ULK4: variants seen among roughly 807,000 people sequenced by gnomAD.
The protein encoded by ULK4 is inactive serine/threonine-protein kinase ULK4.
ULK4 carries 133 observed loss-of-function variants against 160.6 expected under a neutral mutation model. The ratio of observed to expected loss-of-function variants is 0.83; its 90% CI spans 0.72 to 0.96. The LOEUF is 0.96. ULK4 is among the 40% of genes least tolerant of loss of function. ULK4 has a pLI of 0.00. For synonymous variants in ULK4, 534 were observed against 539.8 expected (o/e 0.99, Z 0.15); for missense variants, 1,580 against 1,499.5 (o/e 1.05, Z -0.89).
chr3:41,345,898 T>C, intron 35 of ULK4, among the ~76,000 whole-genome samples: 1 of 152,046 alleles, frequency 6.6e-6, no homozygotes, highest in Non-Finnish European at 1.5e-5. Context: ...AAACCAAGAC[T>C]TGCATACAGA....
At chr3:41,764,491 T>A (rs1299863988) in intron 21 of ULK4, among the ~76,000 whole-genome samples, 1 of 152,170 alleles carries the variant, frequency 6.6e-6, no homozygotes, top group Non-Finnish European at 1.5e-5. Flanking sequence ...ACACCTGTAA[T>A]CCAAGCACTT....
chr3:41,852,745 A>C (rs558956915), intron 17 of ULK4, among the ~76,000 whole-genome samples: 139 of 152,250 alleles, frequency 9.1e-4, no homozygotes, highest in African/African-American at 3.1e-3. Flanking sequence ...TGACCTCGAA[A>C]TGACCTTTTG....
chr3:41,404,818 G>A (rs2082260946), intron 34 of ULK4, among the ~76,000 whole-genome samples: 3 of 152,170 alleles, frequency 2.0e-5, no homozygotes, highest in African/African-American at 7.2e-5. Context: ...CAGCAAGAAG[G>A]CCCTTGACAG....
chr3:41,643,216 T>C (rs982790721), intron 30 of ULK4, among the ~76,000 whole-genome samples: 5 of 152,166 alleles, frequency 3.3e-5, no homozygotes, highest in Non-Finnish European at 5.9e-5. Flanking sequence ...TTTGTCAATT[T>C]TGGCTTTTGT....
chr3:41,645,768 ATCTG>A (rs2034459997), intron 30 of ULK4, among the ~76,000 whole-genome samples: 1 of 152,086 alleles, frequency 6.6e-6, no homozygotes, highest in African/African-American at 2.4e-5. Flanking sequence ...TGTCTTGTTG[ATCTG>A]TCTAATGTTG....
intron 35 of ULK4, among the ~76,000 whole-genome samples, chr3:41,353,165 C>T (rs1348543107): frequency 6.6e-6 from 1 of 152,202 alleles, no homozygotes; most frequent in Non-Finnish European, 1.5e-5. Context: ...GTACCCGTTG[C>T]TCCTGGGTCT....
At chr3:41,808,010 G>A (rs369733448) in intron 19 of ULK4, among the ~76,000 whole-genome samples, 15 of 152,126 alleles carry the variant, frequency 9.9e-5, no homozygotes, top group Middle Eastern at 3.4e-3. Context: ...AGTTGTCGTC[G>A]CGTATCTCCT....
At position 41,433,728 on chromosome 3, in the gene ULK4, C is replaced by CT. The variant is rs10636463; in HGVS notation, c.3492+21768dup. ...ACCTAAAATGCTCAAAAATCCCAAA[C>CT]TTTTTTTTTGAGACGGAGTCTCGCT... On this transcript the variant is annotated intron_variant, in intron 34 of 36. Transcript: ENST00000301831. Among the ~76,000 whole-genome samples, 26 of 151,298 alleles carry CT rather than the reference C, an allele frequency of 1.7e-4. 1 individual carries two copies. Among genetic ancestry groups the CT allele is most frequent in the African/African-American group, 1.9e-4 (8 of 41,230 alleles).
chr3:41,363,654 A>T (rs968564623), intron 35 of ULK4, among the ~76,000 whole-genome samples: 5 of 152,214 alleles, frequency 3.3e-5, no homozygotes, highest in African/African-American at 1.2e-4. Context: ...AAATAGGATG[A>T]AAATTTGTAA....
chr3:41,267,116 C>T (rs1393980193), intron 35 of ULK4, among the ~76,000 whole-genome samples: 1 of 150,804 alleles, frequency 6.6e-6, no homozygotes, highest in African/African-American at 2.4e-5. Flanking sequence ...ACGTGTGCCA[C>T]GGTGGTCTGA....
intron 19 of ULK4, among the ~76,000 whole-genome samples, chr3:41,816,098 A>G (rs1206418966): frequency 6.6e-6 from 1 of 152,090 alleles, no homozygotes; most frequent in Non-Finnish European, 1.5e-5. Context: ...ACACACATAC[A>G]GACACACACA....
rs192311288 is a variant in ULK4 at position 41,530,763 on chromosome 3, T to A, written c.3226+35262A>T. Among the ~76,000 whole-genome samples the A allele has an allele frequency of 6.6e-3, 999 of 152,230 alleles. 8 individuals are homozygous for A. Among genetic ancestry groups the A allele is most frequent in the Non-Finnish European group, 0.01 (681 of 68,026 alleles). On this transcript the variant is annotated intron_variant, in intron 32 of 36. Coordinates refer to ENST00000301831, the MANE Select transcript of ULK4 (RefSeq NM_017886.4). ...CCTCAATAATGAAGTAAAATGAATT[T>A]TTATTTATTTATATTTTTGGAGACG...
rs71075470 is a variant in ULK4, at chr3:41,506,767, A to AATATAT, written c.3227-43520_3227-43515dup. Reference sequence around the variant, plus strand: ...AGCAATACACTGGAGTGTGATTTAAAATATATATATATATATATATATATA... The same window carrying AATATAT: ...AGCAATACACTGGAGTGTGATTTAAAATATATATATATATATATATATATATATATA... On this transcript the variant is annotated intron_variant, in intron 32 of 36. Transcript: ENST00000301831. 4.9e-3 allele frequency among the ~76,000 whole-genome samples: 278 copies of AATATAT among 56,746 alleles called. 12 individuals are homozygous for AATATAT. The East Asian group carries it at 0.058, about 12-fold the overall frequency. The allele number at this position is 56,746 out of a possible 152,430, so 37.2% of individuals were successfully genotyped here. A position where few individuals can be genotyped will look rare whatever the true frequency, so the allele number is the denominator to read the frequency against.
chr3:41,928,453 A>C (rs1438034242), intron 5 of ULK4, among the ~76,000 whole-genome samples: 1 of 152,056 alleles, frequency 6.6e-6, no homozygotes, highest in Non-Finnish European at 1.5e-5. Context: ...AGAGAAGAGC[A>C]AACAAATTCA....
chr3:41,585,340 G>A (rs945236125), intron 31 of ULK4, among the ~76,000 whole-genome samples: 2 of 152,206 alleles, frequency 1.3e-5, no homozygotes, highest in African/African-American at 2.4e-5. Flanking sequence ...CCAATGGAAC[G>A]AAACAGAGAG....
In ULK4 at chr3:41,800,299, G is replaced by C. The variant is rs752162257; in HGVS notation, c.1849-6C>G. 8.5e-5 allele frequency: 137 copies of C among 1,602,442 alleles called. 1 individual carries two copies. The highest frequency in any genetic ancestry group is 1.6e-4 in the South Asian group (14 of 88,806). ...TGATTCACAACACGCTCTTCCTATA[G>C]AGAAAGGAGATTAAAATAATATTAG... On this transcript the variant is annotated splice_region_variant and splice_polypyrimidine_tract_variant and intron_variant, in intron 19 of 36. Transcript: ENST00000301831.
chr3:41,532,807 G>A (rs2086366348), intron 32 of ULK4, among the ~76,000 whole-genome samples: 2 of 152,144 alleles, frequency 1.3e-5, no homozygotes, highest in Admixed American at 6.6e-5. Flanking sequence ...TGAACTAGAT[G>A]CACCAATCAG....
chr3:41,772,686 T>C (rs1249453112), intron 21 of ULK4, among the ~76,000 whole-genome samples: 26 of 152,090 alleles, frequency 1.7e-4, no homozygotes, highest in African/African-American at 5.3e-4. Flanking sequence ...TTCCAATCAA[T>C]AGAAAAAGAG....
At chr3:41,314,105 G>C (rs1273780593) in intron 35 of ULK4, among the ~76,000 whole-genome samples, 6 of 152,216 alleles carry the variant, frequency 3.9e-5, no homozygotes, top group Non-Finnish European at 7.3e-5. Context: ...CTGTGGAGCA[G>C]AGGAATAGAG....
Sources: gnomAD v4.1 joint callset for allele counts (sites outside exome capture counted in the v4.1 genomes callset) on GRCh38, gnomAD v4.1.1 for gene constraint, MANE v1.5 for transcripts, NCBI Gene and HGNC (gene_info 2026-07-23, HGNC 2026-07-21) for gene names.